The following TMEM256 variants were observed in gnomAD, a reference collection of about 807,000 sequenced individuals.
The protein encoded by TMEM256 is UPF0451 protein C17orf61.
TMEM256 carries 14 observed loss-of-function variants against 14.8 expected under a neutral mutation model. The ratio of observed to expected loss-of-function variants is 0.95; its 90% CI spans 0.63 to 1.48. The LOEUF is 1.48. Among genes scored for constraint, TMEM256 ranks in the 40% most tolerant of loss-of-function variants. The pLI is 0.00. For missense variants in TMEM256, 146 were observed against 137.9 expected (o/e 1.06, Z -0.30); for synonymous variants, 68 against 60.7 (o/e 1.12, Z -0.56).
In TMEM256 at chr17:7,404,073, T is replaced by C. The variant is rs751060723; in HGVS notation, c.12A>G (p.Pro4=). Residue 4 remains proline, a synonymous_variant, in exon 1 of 4, where the codon CCA becomes CCG. Coordinates refer to ENST00000302422, the MANE Select transcript of TMEM256 (RefSeq NM_152766.5). MAG[P]AAAFRRLGAL... is the part of the protein sequence containing the mutation. ...CGCCCAAGCGGCGGAAAGCTGCAGC[T>C]GGCCCGGCCATAGCTGTAGAACAGG... is the stretch of plus-strand genomic sequence containing the variant. 1.9e-6 allele frequency: 3 copies of C among 1,593,140 alleles called. No homozygotes were observed. Among genetic ancestry groups the C allele is most frequent in the Non-Finnish European group, 1.7e-6 (2 of 1,169,826 alleles).
chr17:7,403,646 C>T lies in TMEM256; in HGVS notation c.117+12G>A, dbSNP rs756601909. ...ACCCACGAGTCAGGGAGCCCCAGCG[C>T]AGTTACTTCACCTCCTTCCCGTAGG... On this transcript the variant is annotated intron_variant, in intron 2 of 3. Transcript: ENST00000302422. 1 of 1,614,134 alleles carries T rather than the reference C, an allele frequency of 6.2e-7. No homozygotes were observed. The highest frequency in any genetic ancestry group is 1.1e-5 in the South Asian group (1 of 91,088).
At chr17:7,403,922 T>A in intron 1 of TMEM256, 78 bp downstream of exon 1, 1 of 1,431,918 alleles carries the variant, frequency 7.0e-7, no homozygotes, top group South Asian at 1.4e-5. Context: ...GCCGGGCACC[T>A]CCCATAGGTT....
At chr17:7,403,919 A>G in intron 1 of TMEM256, 81 bp downstream of exon 1, 1 of 1,416,778 alleles carries the variant, frequency 7.1e-7, no homozygotes, top group Non-Finnish European at 9.5e-7. Flanking sequence ...GAGGCCGGGC[A>G]CCTCCCATAG....
Position 7,403,784 on chromosome 17 carries a change from ACCC to A in TMEM256, c.86-98_86-96del, listed in dbSNP as rs56134360. ...CAGGTGGACATTGGCGAGAAAGGGC[ACCC>A]CCCCCCCCGCCCCAGGAAGCTTCCG... On this transcript the variant is annotated intron_variant, in intron 1 of 3. Transcript: ENST00000302422. 4,585 of 1,013,830 alleles carry A rather than the reference ACCC, an allele frequency of 4.5e-3. 8 individuals are homozygous for A. The highest frequency in any genetic ancestry group is 5.3e-3 in the Middle Eastern group (17 of 3,188). The allele number at this position is 1,013,830 out of a possible 1,614,324, so 62.8% of individuals were successfully genotyped here. A position where few individuals can be genotyped will look rare whatever the true frequency, so the allele number is the denominator to read the frequency against.
chr17:7,403,569 ACCCTCTCCCCG>A, intron 2 of TMEM256, 78 bp downstream of exon 2: 1 of 1,087,088 alleles, frequency 9.2e-7, no homozygotes, highest in Non-Finnish European at 1.3e-6. Context: ...GGCTCGCCCC[ACCCTCTCCCCG>A]CCCACTTCCC....
At position 7,403,697 on chromosome 17, in the gene TMEM256, G is replaced by A. The variant is rs776521682; in HGVS notation, c.86-8C>T. ...CATCTGGGAATTGGGCGCCTGTGGA[G>A]AAAAGAAGCAAAGGTTAGCGGTCCT... On this transcript the variant is annotated splice_region_variant and splice_polypyrimidine_tract_variant and intron_variant, in intron 1 of 3. Transcript: ENST00000302422. The A allele has an allele frequency of 1.3e-5, 21 of 1,611,466 alleles. No homozygotes were observed. Among genetic ancestry groups the A allele is most frequent in the Non-Finnish European group, 1.8e-5 (21 of 1,179,546 alleles).
chr17:7,403,543 T>G (rs971983603), intron 2 of TMEM256, 115 bp downstream of exon 2: 2 of 1,542,082 alleles, frequency 1.3e-6, no homozygotes, highest in Non-Finnish European at 1.8e-6. Context: ...TGGCCTTTGC[T>G]GCTCCAGAGA....
At position 7,403,212 on chromosome 17, in the gene TMEM256, G is replaced by A. The variant is rs759350805; in HGVS notation, c.199-3C>T. 4 of 1,614,198 alleles carry A rather than the reference G, an allele frequency of 2.5e-6. No homozygotes were observed. In the South Asian group the frequency reaches 3.3e-5, roughly 13 times the overall value. On this transcript the variant is annotated splice_polypyrimidine_tract_variant and splice_region_variant and intron_variant, in intron 3 of 3. Coordinates refer to ENST00000302422, the MANE Select transcript of TMEM256 (RefSeq NM_152766.5). Reference sequence around the variant, plus strand: ...CCGGAAGCTAGCAATAACCCAGCCTGAAGGAGACACAGCACAGAAAACAGG... The same window carrying A: ...CCGGAAGCTAGCAATAACCCAGCCTAAAGGAGACACAGCACAGAAAACAGG...
chr17:7,403,921 C>G, intron 1 of TMEM256, 79 bp downstream of exon 1: 1 of 1,434,780 alleles, frequency 7.0e-7, no homozygotes, highest in Non-Finnish European at 9.3e-7. Context: ...GGCCGGGCAC[C>G]TCCCATAGGT....
Position 7,403,088 on chromosome 17 carries a change from C to T in TMEM256, c.320G>A (p.Gly107Asp), listed in dbSNP as rs747650287. ...APAGGTLLLL[G>D]WLALAL ...AGCTCAAAGAGCCAAGGCAAGCCAGCCCAAGAGTAGCAGGGTCCCTCCCGC... is the reference window on the plus strand; with the variant it reads ...AGCTCAAAGAGCCAAGGCAAGCCAGTCCAAGAGTAGCAGGGTCCCTCCCGC... The change falls in exon 4 of 4, where the codon GGC (glycine) becomes GAC (aspartate). Residue 107 changes from glycine to aspartate, a missense_variant. Transcript: ENST00000302422. 2 of 1,613,582 alleles carry T rather than the reference C, an allele frequency of 1.2e-6. No individual in the cohort carries two copies. Among genetic ancestry groups the T allele is most frequent in the East Asian group, 2.2e-5 (1 of 44,886 alleles).
Position 7,403,049 on chromosome 17 carries a change from A to G in TMEM256, c.*17T>C. On this transcript the variant is annotated 3_prime_UTR_variant, in exon 4 of 4. Coordinates refer to ENST00000302422, the MANE Select transcript of TMEM256 (RefSeq NM_152766.5). The stretch of plus-strand genomic sequence containing the variant: ...AAAAAACTGCCCAGAAAACCCAGTA[A>G]TTAAGCAAAAGGGAGCTCAAAGAGC... The G allele has an allele frequency of 6.3e-7, 1 of 1,577,522 alleles. No individual in the cohort carries two copies. Among genetic ancestry groups the G allele is most frequent in the Non-Finnish European group, 8.6e-7 (1 of 1,169,202 alleles).
intron 1 of TMEM256, 107 bp from the exon 2 acceptor site, chr17:7,403,796 G>A: frequency 7.2e-6 from 5 of 692,486 alleles, no homozygotes; most frequent in Non-Finnish European, 8.3e-6. Flanking sequence ...CCCCCCCCCC[G>A]CCCCAGGAAG....
intron 2 of TMEM256, 132 bp downstream of exon 2, chr17:7,403,526 G>C: frequency 1.3e-6 from 2 of 1,508,670 alleles, no homozygotes. Flanking sequence ...TTGGCTTACA[G>C]AGCCTTTGGC....
At chr17:7,403,634 G>A in intron 2 of TMEM256, 24 bp downstream of exon 2, 2 of 1,614,014 alleles carry the variant, frequency 1.2e-6, no homozygotes, top group Non-Finnish European at 1.7e-6. Context: ...CACGAGTCAG[G>A]GAGCCCCAGC....
At chr17:7,403,422 T>C (rs776611600) in intron 2 of TMEM256, 32 bp from the exon 3 acceptor site, 5 of 1,600,222 alleles carry the variant, frequency 3.1e-6, no homozygotes, top group Non-Finnish European at 3.4e-6. Context: ...AGGGATGTCG[T>C]AGGCAATACA....
At chr17:7,403,880 T>C in intron 1 of TMEM256, 120 bp downstream of exon 1, 1 of 1,321,464 alleles carries the variant, frequency 7.6e-7, no homozygotes, top group Non-Finnish European at 1.0e-6. Context: ...TTAAAAGGTT[T>C]AGGGCTCCGC....
rs1327216190 is a variant in TMEM256 at position 7,403,895 on chromosome 17, T to C, written c.85+105A>G. The C allele has an allele frequency of 1.5e-5, 21 of 1,357,252 alleles. No homozygotes were observed. In the East Asian group the frequency reaches 4.8e-4, roughly 31 times the overall value. The allele number at this position is 1,357,252 out of a possible 1,614,324, so 84.1% of individuals were successfully genotyped here. On this transcript the variant is annotated intron_variant, in intron 1 of 3. Transcript: ENST00000302422. ...TTAAAAGGTTTAGGGCTCCGCGGAC[T>C]GTCTGATAAACGAGAGGCCGGGCAC...
chr17:7,403,100 AG>A lies in TMEM256; in HGVS notation c.307del (p.Leu103CysfsTer17). 1 of 1,614,000 alleles carries A rather than the reference AG, an allele frequency of 6.2e-7. No individual in the cohort carries two copies. On this transcript the variant is annotated frameshift_variant, in exon 4 of 4. Coordinates refer to ENST00000302422, the MANE Select transcript of TMEM256 (RefSeq NM_152766.5). LOFTEE classifies it high-confidence loss of function. ...CAAGGCAAGCCAGCCCAAGAGTAGC[AG>A]GGTCCCTCCCGCAGGGGCCAAAGTC... is the stretch of plus-strand genomic sequence containing the variant. ...IQTLAPAGGT[L>X]LLLGWLALAL is the part of the protein sequence containing the mutation.
chr17:7,403,769 T>C (rs1355790986), intron 1 of TMEM256, 80 bp from the exon 2 acceptor site: 16 of 1,512,876 alleles, frequency 1.1e-5, no homozygotes, highest in Middle Eastern at 1.9e-4. Context: ...CAGGTGGACA[T>C]TGGCGAGAAA....
Sources: gnomAD v4.1 joint callset for allele counts on GRCh38, gnomAD v4.1.1 for gene constraint, MANE v1.5 for transcripts, NCBI Gene and HGNC (gene_info 2026-07-23, HGNC 2026-07-21) for gene names.